MYH15: variants seen among roughly 807,000 people sequenced by gnomAD.
The protein encoded by MYH15 is myosin heavy chain 15.
In MYH15, 227 loss-of-function variants were observed where a neutral mutation model predicts 240.5. The ratio of observed to expected loss-of-function variants is 0.94; its 90% CI spans 0.85 to 1.05. MYH15 has a LOEUF of 1.05. Ranked by LOEUF, MYH15 falls within the 50% of genes least tolerant of loss-of-function variation. The probability of loss-of-function intolerance (pLI) is 0.00; values close to 1 mark genes in which losing one functional copy is unlikely to be tolerated. For synonymous variants in MYH15, 785 were observed against 796.7 expected (o/e 0.99, Z 0.25); for missense variants, 2,217 against 2,247.5 (o/e 0.99, Z 0.27).
intron 25 of MYH15, among the ~76,000 whole-genome samples, chr3:108,433,579 T>C (rs1320607297): frequency 1.3e-5 from 2 of 150,050 alleles, no homozygotes; most frequent in African/African-American, 4.9e-5. Flanking sequence ...GGAGGGAACC[T>C]GTGGGAGGTA....
the MYH15 span, among the ~76,000 whole-genome samples, chr3:108,547,787 C>G: frequency 6.6e-6 from 1 of 152,066 alleles, no homozygotes; most frequent in Non-Finnish European, 1.5e-5. Context: ...ACTTGGCAAC[C>G]AACCATCAAA....
Position 108,405,439 on chromosome 3 carries a change from A to C in MYH15, c.4635T>G (p.Arg1545=). The C allele has an allele frequency of 6.6e-7, 1 of 1,522,756 alleles. No homozygotes were observed. Among genetic ancestry groups the C allele is most frequent in the Non-Finnish European group, 8.9e-7 (1 of 1,118,884 alleles). 94.3% of individuals were successfully genotyped at this position (1,522,756 alleles called of 1,614,324 possible). Residue 1545 remains arginine, a synonymous_variant, in exon 33 of 41, where the codon CGT becomes CGG. Transcript: ENST00000693548. ...TLEETEGALE[R]NESKILHFQL... is the part of the protein sequence containing the mutation. The stretch of plus-strand genomic sequence containing the variant: ...GGAAATGAAGAATCTTGCTTTCATT[A>C]CGTTCCAGGGCTCCCTGGAATACAT...
Position 108,428,773 on chromosome 3 carries a change from T to A in MYH15, c.3421A>T (p.Arg1141Trp), listed in dbSNP as rs1325149626. 1 of 1,613,966 alleles carries A rather than the reference T, an allele frequency of 6.2e-7. No individual in the cohort carries two copies. Among genetic ancestry groups the A allele is most frequent in the East Asian group, 2.2e-5 (1 of 44,888 alleles). Residue 1141 changes from arginine to tryptophan, a missense_variant, in exon 27 of 41, where the codon AGG (arginine) becomes TGG (tryptophan). Arg to Trp is a moderately radical substitution (Grantham distance 101). Coordinates refer to ENST00000693548, the MANE Select transcript of MYH15 (RefSeq NM_014981.3). Reference sequence around the variant, plus strand: ...CTGGATCCTCCTACCTCCTCCAGCCTCTCATTCAAGTCAGCCAGGTCTTGG... The same window carrying A: ...CTGGATCCTCCTACCTCCTCCAGCCACTCATTCAAGTCAGCCAGGTCTTGG... The part of the protein sequence containing the change: ...LTQDLADLNE[R>W]LEEVGGSSLA...
intron 1 of MYH15, among the ~76,000 whole-genome samples, chr3:108,516,926 C>T (rs948966143): frequency 4.6e-5 from 7 of 152,120 alleles, no homozygotes; most frequent in Non-Finnish European, 7.4e-5. Context: ...TTCTGCTCCC[C>T]GCTCCCCTCC....
chr3:108,517,321 GA>G (rs1225806819), intron 1 of MYH15, among the ~76,000 whole-genome samples: 13 of 152,172 alleles, frequency 8.5e-5, no homozygotes, highest in Admixed American at 2.6e-4. Flanking sequence ...TATTGATCCA[GA>G]GAAGAACTTC....
intron 16 of MYH15, among the ~76,000 whole-genome samples, chr3:108,462,375 C>A (rs1299460254): frequency 6.6e-6 from 1 of 152,076 alleles, no homozygotes; most frequent in African/African-American, 2.4e-5. Context: ...AGAAGTCTAT[C>A]TTTCTACCTA....
chr3:108,431,669 GA>G (rs2082780495), intron 25 of MYH15, among the ~76,000 whole-genome samples: 1 of 152,198 alleles, frequency 6.6e-6, no homozygotes, highest in Non-Finnish European at 1.5e-5. Context: ...GGGTGCTGAT[GA>G]AAAGATACCC....
chr3:108,501,298 C>T (rs1424998987), intron 3 of MYH15, among the ~76,000 whole-genome samples: 2 of 152,204 alleles, frequency 1.3e-5, no homozygotes, highest in Non-Finnish European at 1.5e-5. Flanking sequence ...GAAATCATCT[C>T]ACTCATTAAT....
At chr3:108,509,214 A>T (rs981456452) in intron 1 of MYH15, among the ~76,000 whole-genome samples, 2 of 152,334 alleles carry the variant, frequency 1.3e-5, no homozygotes, top group Admixed American at 6.5e-5. Context: ...TTCTATGAGG[A>T]AGGATTGTTT....
chr3:108,408,483 T>C (rs1023821705), intron 31 of MYH15, 79 bp from the exon 32 acceptor site: 4 of 1,414,914 alleles, frequency 2.8e-6, no homozygotes, highest in Non-Finnish European at 3.8e-6. Flanking sequence ...AACAGATTCT[T>C]CCAGCCCACT....
chr3:108,419,404 T>G (rs1321257879), intron 28 of MYH15, among the ~76,000 whole-genome samples: 1 of 152,182 alleles, frequency 6.6e-6, no homozygotes, highest in Non-Finnish European at 1.5e-5. Flanking sequence ...CCACTTTTAT[T>G]TTACTCGCTA....
At chr3:108,510,318 T>G in intron 1 of MYH15, 125 bp downstream of exon 1, 1 of 1,284,596 alleles carries the variant, frequency 7.8e-7, no homozygotes, top group Non-Finnish European at 1.1e-6. Flanking sequence ...TCCTAGAGGC[T>G]GATCATACCC....
chr3:108,462,275 T>A (rs936003502), intron 16 of MYH15, among the ~76,000 whole-genome samples: 2 of 152,176 alleles, frequency 1.3e-5, no homozygotes, highest in African/African-American at 4.8e-5. Flanking sequence ...GCAGAAGTTT[T>A]CACTGCATCG....
At chr3:108,543,130 T>C in the MYH15 span, among the ~76,000 whole-genome samples, 1 of 152,062 alleles carries the variant, frequency 6.6e-6, no homozygotes, top group South Asian at 2.1e-4. Context: ...CCGCCCGCCT[T>C]GGCCTCCCAA....
intron 12 of MYH15, among the ~76,000 whole-genome samples, chr3:108,471,093 AAGGG>A (rs1221937859): frequency 5.5e-5 from 7 of 127,404 alleles, no homozygotes; most frequent in South Asian, 3.2e-4. Context: ...GGAAGGAAAG[AAGGG>A]AGGGAGGGAG....
At chr3:108,479,130 T>G (rs1469955355) in intron 11 of MYH15, among the ~76,000 whole-genome samples, 1 of 152,222 alleles carries the variant, frequency 6.6e-6, no homozygotes, top group African/African-American at 2.4e-5. Context: ...CGTAAATCTA[T>G]GACTAAATGC....
At chr3:108,537,479 C>A in the MYH15 span, among the ~76,000 whole-genome samples, 14 of 152,110 alleles carry the variant, frequency 9.2e-5, no homozygotes, top group Non-Finnish European at 1.8e-4. Flanking sequence ...AGAGCAAAGT[C>A]CTCACAAATG....
intron 9 of MYH15, among the ~76,000 whole-genome samples, chr3:108,488,832 T>C (rs1273737923): frequency 6.6e-6 from 1 of 152,258 alleles, no homozygotes; most frequent in East Asian, 1.9e-4. Flanking sequence ...ATGGTAGTTC[T>C]GTTTGTAATC....
intron 7 of MYH15, 42 bp downstream of exon 7, chr3:108,495,738 C>T: frequency 6.7e-7 from 1 of 1,500,410 alleles, no homozygotes; most frequent in Non-Finnish European, 9.2e-7. Context: ...CCATTGCTTA[C>T]AAATTAAATA....
Sources: gnomAD v4.1 joint callset for allele counts (sites outside exome capture counted in the v4.1 genomes callset) on GRCh38, gnomAD v4.1.1 for gene constraint, MANE v1.5 for transcripts, NCBI Gene and HGNC (gene_info 2026-07-23, HGNC 2026-07-21) for gene names.